FHOD3: variants seen among roughly 807,000 people sequenced by gnomAD.
The protein encoded by FHOD3 is FH1/FH2 domain-containing protein 3.
In FHOD3, 90 loss-of-function variants were observed where a neutral mutation model predicts 173.0. That is an observed-to-expected ratio of 0.52 (90% CI 0.44 to 0.62). The LOEUF is 0.62. Ranked by LOEUF, FHOD3 falls within the 20% of genes least tolerant of loss-of-function variation. The pLI, the probability that FHOD3 is intolerant of heterozygous loss-of-function variation, is 0.00. For missense variants in FHOD3, 1,945 were observed against 2,034.7 expected (o/e 0.96, Z 0.85); for synonymous variants, 828 against 823.0 (o/e 1.01, Z -0.10).
intron 3 of FHOD3, among the ~76,000 whole-genome samples, chr18:36,373,911 C>T (rs886729392): frequency 1.3e-5 from 2 of 152,178 alleles, no homozygotes; most frequent in South Asian, 2.1e-4. Flanking sequence ...GTCTGTGACA[C>T]GACTTTGGAT....
intron 3 of FHOD3, among the ~76,000 whole-genome samples, chr18:36,430,113 A>G (rs1036079887): frequency 5.3e-5 from 8 of 152,202 alleles, no homozygotes; most frequent in African/African-American, 1.9e-4. Context: ...AAAGAGAACA[A>G]AGATATAGGA....
chr18:36,568,021 G>A (rs902834633), intron 5 of FHOD3, among the ~76,000 whole-genome samples: 6 of 151,782 alleles, frequency 4.0e-5, no homozygotes, highest in Non-Finnish European at 5.9e-5. Flanking sequence ...TCTGGCTGAA[G>A]GACTAAGAAG....
At chr18:36,472,234 T>G (rs1421333674) in intron 3 of FHOD3, among the ~76,000 whole-genome samples, 1 of 152,214 alleles carries the variant, frequency 6.6e-6, no homozygotes, top group Non-Finnish European at 1.5e-5. Flanking sequence ...GATGAATACT[T>G]CTGAAGGCTT....
chr18:36,526,956 C>A (rs549978577), intron 5 of FHOD3, among the ~76,000 whole-genome samples: 3 of 152,314 alleles, frequency 2.0e-5, no homozygotes, highest in Admixed American at 2.0e-4. Context: ...TGCTTGGAAC[C>A]AAGAATAGCT....
intron 5 of FHOD3, among the ~76,000 whole-genome samples, chr18:36,527,817 A>G (rs2056596942): frequency 8.2e-6 from 1 of 122,094 alleles, no homozygotes; most frequent in Admixed American, 8.0e-5. Flanking sequence ...TCTATATTTG[A>G]GTGACATGGA....
intron 1 of FHOD3, among the ~76,000 whole-genome samples, chr18:36,337,592 G>C (rs925419056): frequency 6.6e-6 from 1 of 152,184 alleles, no homozygotes; most frequent in Non-Finnish European, 1.5e-5. Context: ...AAGTCCTAAA[G>C]ACTTGTGGTC....
At chr18:36,651,600 A>T (rs543673241) in intron 11 of FHOD3, among the ~76,000 whole-genome samples, 2 of 152,194 alleles carry the variant, frequency 1.3e-5, no homozygotes, top group East Asian at 3.9e-4. Context: ...TAAAAATACA[A>T]AATTAGCCAG....
chr18:36,699,763 A>G (rs1275866075), intron 17 of FHOD3, among the ~76,000 whole-genome samples: 2 of 152,118 alleles, frequency 1.3e-5, no homozygotes, highest in Non-Finnish European at 2.9e-5. Flanking sequence ...CCTGAAATAC[A>G]CTTTTTCAGG....
chr18:36,377,284 G>A (rs897168431), intron 3 of FHOD3, among the ~76,000 whole-genome samples: 31 of 152,236 alleles, frequency 2.0e-4, no homozygotes, highest in African/African-American at 6.5e-4. Context: ...TGACCAGACC[G>A]AGTACCACCT....
chr18:36,712,858 A>C (rs557228587), intron 18 of FHOD3, among the ~76,000 whole-genome samples: 1 of 146,018 alleles, frequency 6.8e-6, no homozygotes, highest in Non-Finnish European at 1.5e-5. Flanking sequence ...AAAAAAAAAA[A>C]TTTTGTAAGA....
rs368543292 is a variant in FHOD3 at position 36,755,325 on chromosome 18, A to T, written c.4425+14A>T. The T allele has an allele frequency of 5.2e-6, 8 of 1,544,580 alleles. No homozygotes were observed. The highest frequency in any genetic ancestry group is 7.0e-6 in the Non-Finnish European group (8 of 1,139,566). On this transcript the variant is annotated intron_variant, in intron 25 of 28. Transcript: ENST00000590592. ...ATGATCACCGATGTAAGTTTCACAC[A>T]ATCCCTCTCCTTATGTCATTCGTTT...
At chr18:36,539,157 A>G (rs2057108766) in intron 5 of FHOD3, among the ~76,000 whole-genome samples, 2 of 152,222 alleles carry the variant, frequency 1.3e-5, no homozygotes. Context: ...GGATTATTAC[A>G]TTTGTTATGT....
At chr18:36,304,679 T>G (rs1319330338) in intron 1 of FHOD3, among the ~76,000 whole-genome samples, 1 of 152,174 alleles carries the variant, frequency 6.6e-6, no homozygotes, top group Non-Finnish European at 1.5e-5. Context: ...CTTTCTAGGC[T>G]CAATCAATTC....
rs992288051 is a variant in FHOD3, at chr18:36,652,683, G to A, written c.1400G>A (p.Gly467Asp). The change falls in exon 12 of 29, where the codon GGC becomes GAC. Residue 467 changes from glycine (G) to aspartate (D), a missense_variant. By Grantham distance (94) the Gly-to-Asp change is moderately conservative. Coordinates refer to ENST00000590592, the MANE Select transcript of FHOD3 (RefSeq NM_001281740.3). ...ASSQGKPLLV[G>D]TAGGTTWHSG... is the part of the protein sequence containing the mutation. ...TCGCAGGGAAAGCCGCTTCTGGTTG[G>A]CACTGCAGGCGGGACCACCTGGCAC... The A allele has an allele frequency of 2.0e-6, 3 of 1,535,612 alleles. No individual in the cohort carries two copies. Among genetic ancestry groups the A allele is most frequent in the Non-Finnish European group, 2.6e-6 (3 of 1,146,688 alleles).
At chr18:36,715,857 G>A (rs548875976) in intron 18 of FHOD3, among the ~76,000 whole-genome samples, 1 of 152,338 alleles carries the variant, frequency 6.6e-6, no homozygotes, top group Admixed American at 6.5e-5. Context: ...AAGAGGTCAA[G>A]GATAAAATTG....
At chr18:36,408,421 G>C (rs2146828183) in intron 3 of FHOD3, among the ~76,000 whole-genome samples, 1 of 152,248 alleles carries the variant, frequency 6.6e-6, no homozygotes, top group East Asian at 1.9e-4. Flanking sequence ...TTAATGCCCT[G>C]AGGTGGCAGT....
At chr18:36,757,679 C>A (rs2042689380) in intron 25 of FHOD3, among the ~76,000 whole-genome samples, 5 of 152,176 alleles carry the variant, frequency 3.3e-5, no homozygotes. Context: ...CTGCAGCCCC[C>A]ACGCACCAGC....
chr18:36,340,490 T>C (rs914807314), intron 1 of FHOD3, among the ~76,000 whole-genome samples: 8 of 152,108 alleles, frequency 5.3e-5, no homozygotes, highest in African/African-American at 1.9e-4. Context: ...GATGTTATAG[T>C]CTGTGTCTCA....
chr18:36,424,856 T>C (rs1157994949), intron 3 of FHOD3, among the ~76,000 whole-genome samples: 1 of 152,228 alleles, frequency 6.6e-6, no homozygotes, highest in Non-Finnish European at 1.5e-5. Context: ...GTTCAGCGTT[T>C]CTGTGCAGCA....
Sources: allele counts gnomAD v4.1 joint callset (sites outside exome capture counted in the v4.1 genomes callset), GRCh38; gene constraint gnomAD v4.1.1; transcripts MANE v1.5; gene names NCBI Gene and HGNC (gene_info 2026-07-23, HGNC 2026-07-21).